The following PEAK1 variants were observed in gnomAD, a reference collection of about 807,000 sequenced individuals.
PEAK1 encodes pseudopodium enriched atypical kinase 1.
In PEAK1, 54 loss-of-function variants were observed where a neutral mutation model predicts 124.7. The observed-to-expected ratio is 0.43, with a 90% confidence interval of 0.35 to 0.54. PEAK1 has a LOEUF of 0.54. Among genes scored for constraint, PEAK1 ranks in the 20% least tolerant of loss-of-function variants. PEAK1 has a pLI of 0.01. For missense variants in PEAK1, 2,046 were observed against 2,134.5 expected (o/e 0.96, Z 0.82); for synonymous variants, 719 against 760.0 (o/e 0.95, Z 0.89).
At chr15:77,248,724 C>A (rs1411980824) in intron 6 of PEAK1, among the ~76,000 whole-genome samples, 3 of 152,112 alleles carry the variant, frequency 2.0e-5, no homozygotes, top group African/African-American at 7.2e-5. Flanking sequence ...AGTTTAGGCC[C>A]AATGGACTAA....
chr15:77,225,902 TGTTAAATGCTAGGCAAA>T (rs1349354157), intron 6 of PEAK1, among the ~76,000 whole-genome samples: 2 of 146,814 alleles, frequency 1.4e-5, no homozygotes, highest in Admixed American at 1.4e-4. Context: ...GCCATAGTCT[TGTTAAATGCTAGGCAAA>T]GTTCATGTAA....
intron 1 of PEAK1, among the ~76,000 whole-genome samples, chr15:77,411,785 T>G (rs1303044538): frequency 6.6e-6 from 1 of 152,074 alleles, no homozygotes; most frequent in Non-Finnish European, 1.5e-5. Context: ...TTTTACTTTT[T>G]GTAAAGATGG....
At chr15:77,167,320 T>G (rs917803616) in intron 7 of PEAK1, among the ~76,000 whole-genome samples, 2 of 152,222 alleles carry the variant, frequency 1.3e-5, no homozygotes, top group African/African-American at 4.8e-5. Context: ...TCTGGGATTA[T>G]ATTACCTCCC....
At chr15:77,346,497 T>C in intron 2 of PEAK1, 2 of 985,428 alleles carry the variant, frequency 2.0e-6, no homozygotes, top group Non-Finnish European at 2.4e-6. Context: ...TTTTCCTACC[T>C]GCTAATTGCT....
At chr15:77,286,231 T>C (rs1323945167) in intron 3 of PEAK1, among the ~76,000 whole-genome samples, 192 bp downstream of exon 3, 1 of 152,212 alleles carries the variant, frequency 6.6e-6, no homozygotes, top group East Asian at 1.9e-4. Context: ...TCAGAGACTG[T>C]TATGATTTCT....
At chr15:77,347,766 A>G in intron 2 of PEAK1, 3 of 981,556 alleles carry the variant, frequency 3.1e-6, no homozygotes, top group South Asian at 4.7e-5. Flanking sequence ...TTTTTAAAAG[A>G]AAAAAAATTT....
chr15:77,418,419 C>T (rs1412749305), intron 1 of PEAK1: 1 of 985,246 alleles, frequency 1.0e-6, no homozygotes, highest in African/African-American at 1.7e-5. Context: ...CTTTCCCCCC[C>T]GACAGCAATG....
chr15:77,225,709 AAAG>A lies in PEAK1; in HGVS notation c.-115+26655_-115+26657del, dbSNP rs1353126073. On this transcript the variant is annotated intron_variant, in intron 6 of 9. Coordinates refer to ENST00000682557, the MANE Select transcript of PEAK1 (RefSeq NM_001385026.1). ...ATATATATATATATGACAATTCTAG[AAAG>A]AAGTAGAAAGGGTACACCAAGCATG... Among the ~76,000 whole-genome samples the A allele has an allele frequency of 4.5e-5, 5 of 111,498 alleles. No homozygotes were observed. In the South Asian group the frequency reaches 8.5e-4, roughly 19 times the overall value. 73.1% of individuals were successfully genotyped at this position (111,498 alleles called of 152,430 possible). A position where few individuals can be genotyped will look rare whatever the true frequency, so the allele number is the denominator to read the frequency against.
chr15:77,174,429 C>T (rs570499342), intron 7 of PEAK1, among the ~76,000 whole-genome samples: 1 of 152,288 alleles, frequency 6.6e-6, no homozygotes, highest in East Asian at 1.9e-4. Flanking sequence ...GCCTGAAACA[C>T]AAATGTTGAC....
At chr15:77,221,922 A>T (rs2059408076) in intron 6 of PEAK1, among the ~76,000 whole-genome samples, 1 of 152,104 alleles carries the variant, frequency 6.6e-6, no homozygotes, top group African/African-American at 2.4e-5. Context: ...TCAAGGTGCC[A>T]GCTGTGTTCC....
intron 5 of PEAK1, among the ~76,000 whole-genome samples, chr15:77,256,717 AT>A (rs889628800): frequency 6.6e-6 from 1 of 151,598 alleles, no homozygotes; most frequent in Admixed American, 6.6e-5. Flanking sequence ...TCTATGGCTA[AT>A]TTTTTTTAAA....
intron 5 of PEAK1, among the ~76,000 whole-genome samples, chr15:77,256,584 T>C (rs917726621): frequency 6.6e-6 from 1 of 151,994 alleles, no homozygotes; most frequent in Non-Finnish European, 1.5e-5. Context: ...TTTACATTTT[T>C]AAAGAGTTGA....
chr15:77,378,821 C>A (rs1341365478), intron 1 of PEAK1, among the ~76,000 whole-genome samples: 1 of 152,146 alleles, frequency 6.6e-6, no homozygotes, highest in Non-Finnish European at 1.5e-5. Flanking sequence ...ATCTCTGCTA[C>A]CAAGAATTGT....
At chr15:77,151,974 CT>C (rs1208088690) in intron 8 of PEAK1, among the ~76,000 whole-genome samples, 1 of 152,128 alleles carries the variant, frequency 6.6e-6, no homozygotes, top group Admixed American at 6.6e-5. Context: ...AATGCAGGCT[CT>C]TTTTTGGTTT....
At chr15:77,365,743 A>T (rs2068186242) in intron 1 of PEAK1, among the ~76,000 whole-genome samples, 1 of 138,492 alleles carries the variant, frequency 7.2e-6, no homozygotes. Context: ...CCATCTCATA[A>T]AAAAAAAAAA....
chr15:77,178,942 A>C lies in PEAK1; in HGVS notation c.2985T>G (p.Pro995=). The C allele has an allele frequency of 6.2e-7, 1 of 1,614,102 alleles. No individual in the cohort carries two copies. Among genetic ancestry groups the C allele is most frequent in the Non-Finnish European group, 8.5e-7 (1 of 1,180,008 alleles). The change falls in exon 7 of 10, where the codon CCT becomes CCG. Residue 995 remains proline (P), a synonymous_variant. Transcript: ENST00000682557. ...GATCCACACTGAGCTGGCCTTGAGC[A>C]GGGTCGCACCTGTACATGAAGACAA... The part of the protein sequence containing the change: ...PAIVFMYRCD[P]AQGQLSVDQS...
intron 1 of PEAK1, chr15:77,403,821 C>T (rs2071575324): frequency 2.0e-6 from 2 of 982,410 alleles, no homozygotes; most frequent in Non-Finnish European, 2.4e-6. Context: ...CAATTCTATT[C>T]TAATATATCC....
At chr15:77,332,106 A>C in intron 2 of PEAK1, 1 of 772,732 alleles carries the variant, frequency 1.3e-6, no homozygotes, top group East Asian at 1.3e-4. Flanking sequence ...CCTGGGTGAC[A>C]CAGCAAGACT....
At chr15:77,118,206 G>A (rs1234303416) in intron 9 of PEAK1, among the ~76,000 whole-genome samples, 1 of 152,104 alleles carries the variant, frequency 6.6e-6, no homozygotes, top group Admixed American at 6.5e-5. Context: ...GTGTAAAAGA[G>A]GAGGGAAAAA....
Sources: gnomAD v4.1 joint callset for allele counts (sites outside exome capture counted in the v4.1 genomes callset) on GRCh38, gnomAD v4.1.1 for gene constraint, MANE v1.5 for transcripts, NCBI Gene and HGNC (gene_info 2026-07-23, HGNC 2026-07-21) for gene names.